EYS: variants seen among roughly 807,000 people sequenced by gnomAD.
EYS encodes protein eyes shut homolog.
Under a neutral mutation model 282.1 loss-of-function variants are expected in EYS, and 250 were observed. That is an observed-to-expected ratio of 0.89 (90% CI 0.80 to 0.98). The LOEUF (loss-of-function observed/expected upper bound fraction) is 0.98. Ranked by LOEUF, EYS falls within the 50% of genes least tolerant of loss-of-function variation. EYS has a pLI of 0.00. For missense variants in EYS, 4,016 were observed against 3,709.0 expected, an observed-to-expected ratio of 1.08 and a Z score of -2.15; for synonymous variants, 1,355 against 1,282.9, an observed-to-expected ratio of 1.06 and a Z score of -1.20.
At chr6:64,178,810 C>T (rs1346543673) in intron 31 of EYS, among the ~76,000 whole-genome samples, 1 of 152,016 alleles carries the variant, frequency 6.6e-6, no homozygotes. Context: ...TAGTTATTTG[C>T]TCATATTCTT....
intron 35 of EYS, among the ~76,000 whole-genome samples, chr6:63,903,285 GGAA>G (rs1413199125): frequency 2.0e-5 from 3 of 152,142 alleles, no homozygotes; most frequent in Non-Finnish European, 2.9e-5. Flanking sequence ...GTGAGGGGTA[GGAA>G]GGTCATCAAG....
intron 30 of EYS, among the ~76,000 whole-genome samples, chr6:64,293,804 C>G (rs906170968): frequency 6.6e-6 from 1 of 151,970 alleles, no homozygotes; most frequent in African/African-American, 2.4e-5. Flanking sequence ...TTGCAATGTT[C>G]CTACTATTTC....
At chr6:64,930,548 C>T (rs1768685533) in intron 15 of EYS, among the ~76,000 whole-genome samples, 2 of 149,168 alleles carry the variant, frequency 1.3e-5, no homozygotes, top group African/African-American at 4.9e-5. Flanking sequence ...TTAAGATATA[C>T]ATAAATAATC....
intron 33 of EYS, among the ~76,000 whole-genome samples, chr6:64,004,443 T>TG (rs1000843455): frequency 6.8e-6 from 1 of 147,960 alleles, no homozygotes; most frequent in Non-Finnish European, 1.5e-5. Flanking sequence ...ATAAGTATTA[T>TG]CAAAGTTTGA....
chr6:64,694,921 G>A (rs943753977), intron 22 of EYS, among the ~76,000 whole-genome samples: 8 of 152,078 alleles, frequency 5.3e-5, no homozygotes, highest in Admixed American at 3.3e-4. Flanking sequence ...GTGGGAGAGA[G>A]CCCCACTGGG....
intron 12 of EYS, among the ~76,000 whole-genome samples, chr6:65,164,017 T>A (rs1441208253): frequency 6.6e-6 from 1 of 151,260 alleles, no homozygotes; most frequent in Non-Finnish European, 1.5e-5. Flanking sequence ...ATTATTATAA[T>A]ACAGACAGCA....
chr6:64,234,348 T>C (rs972940522), intron 30 of EYS, among the ~76,000 whole-genome samples: 1 of 152,190 alleles, frequency 6.6e-6, no homozygotes, highest in Non-Finnish European at 1.5e-5. Flanking sequence ...TTCTACTCTT[T>C]GTTTTTTCAC....
At chr6:64,568,754 C>A (rs1223229195) in intron 26 of EYS, among the ~76,000 whole-genome samples, 1 of 152,072 alleles carries the variant, frequency 6.6e-6, no homozygotes. Context: ...CTGGCGGGTG[C>A]CTCTTTAGAC....
intron 5 of EYS, among the ~76,000 whole-genome samples, chr6:65,444,759 A>G (rs953321125): frequency 6.6e-6 from 1 of 152,104 alleles, no homozygotes; most frequent in African/African-American, 2.4e-5. Context: ...TTTCTTCTAT[A>G]GAGCCTAACA....
intron 26 of EYS, among the ~76,000 whole-genome samples, chr6:64,487,580 A>G (rs1776613467): frequency 6.6e-6 from 1 of 151,026 alleles, no homozygotes; most frequent in Non-Finnish European, 1.5e-5. Flanking sequence ...CTAAAAGAAG[A>G]TAAAAAGCTG....
intron 28 of EYS, among the ~76,000 whole-genome samples, chr6:64,397,555 G>C (rs1426359083): frequency 6.6e-6 from 1 of 151,884 alleles, no homozygotes. Flanking sequence ...TAAAATTTCA[G>C]TTATTGGCAA....
chr6:65,614,104 T>C (rs1006469953), intron 2 of EYS, among the ~76,000 whole-genome samples: 6 of 152,008 alleles, frequency 3.9e-5, no homozygotes, highest in African/African-American at 1.4e-4. Context: ...TTCACTTATT[T>C]CATTTTCCAT....
chr6:65,283,876 T>C (rs1476060655), intron 12 of EYS, among the ~76,000 whole-genome samples: 1 of 152,116 alleles, frequency 6.6e-6, no homozygotes, highest in Non-Finnish European at 1.5e-5. Flanking sequence ...GTGAATTAAT[T>C]TGTATGAGCA....
Position 65,527,559 on chromosome 6 carries a change from T to C in EYS, c.-332-31566A>G, listed in dbSNP as rs111262916. ...CCCCAGTGTTAGCACAGAAAAGTCATAAATGTCATGGTGGCACAAAAGGTT... is the reference window on the plus strand; with the variant it reads ...CCCCAGTGTTAGCACAGAAAAGTCACAAATGTCATGGTGGCACAAAAGGTT... On this transcript the variant is annotated intron_variant, in intron 2 of 42. Coordinates refer to ENST00000503581, the MANE Select transcript of EYS (RefSeq NM_001142800.2). 1.1e-3 allele frequency among the ~76,000 whole-genome samples: 167 copies of C among 152,298 alleles called. 2 individuals are homozygous for C. The highest frequency in any genetic ancestry group is 3.7e-3 in the African/African-American group (154 of 41,566).
chr6:64,634,459 G>T (rs1367849158), intron 22 of EYS, among the ~76,000 whole-genome samples: 5 of 151,316 alleles, frequency 3.3e-5, no homozygotes, highest in African/African-American at 1.2e-4. Flanking sequence ...ACTAGCCATG[G>T]ATAGCTCATA....
rs77126533 is a variant in EYS at position 65,296,193 on chromosome 6, C to T, written c.1767-74G>A. On this transcript the variant is annotated intron_variant, in intron 11 of 42. Transcript: ENST00000503581. ...GATATATTTAAGTATTTAAATCACA[C>T]ATTTATTTAAAAACACAGAAATAAA... 9,965 of 1,306,380 alleles carry T rather than the reference C, an allele frequency of 7.6e-3. 554 individuals are homozygous for T. In the African/African-American group the frequency reaches 0.13, roughly 17 times the overall value. The allele number at this position is 1,306,380 out of a possible 1,614,324, so 80.9% of individuals were successfully genotyped here. A position where few individuals can be genotyped will look rare whatever the true frequency, so the allele number is the denominator to read the frequency against.
intron 28 of EYS, among the ~76,000 whole-genome samples, chr6:64,390,077 A>C (rs1177580885): frequency 6.6e-6 from 1 of 151,918 alleles, no homozygotes; most frequent in African/African-American, 2.4e-5. Context: ...GGCTTAAAAA[A>C]CGGCACATCA....
intron 24 of EYS, among the ~76,000 whole-genome samples, chr6:64,597,065 C>A (rs1766608045): frequency 6.6e-6 from 1 of 151,938 alleles, no homozygotes; most frequent in African/African-American, 2.4e-5. Context: ...CATGAATAGG[C>A]ATTTTTTTCA....
chr6:64,475,133 A>G (rs1046716303), intron 26 of EYS, among the ~76,000 whole-genome samples: 8 of 152,210 alleles, frequency 5.3e-5, no homozygotes, highest in Non-Finnish European at 7.3e-5. Flanking sequence ...ACAAGTTCTT[A>G]TAACTCTTTC....
Sources: allele counts gnomAD v4.1 joint callset (sites outside exome capture counted in the v4.1 genomes callset), GRCh38; gene constraint gnomAD v4.1.1; transcripts MANE v1.5; gene names NCBI Gene and HGNC (gene_info 2026-07-23, HGNC 2026-07-21).